Variants in PLCB1 observed in about 807,000 individuals in gnomAD.
The protein encoded by PLCB1 is phospholipase C beta 1.
A neutral mutation model predicts 161.8 loss-of-function variants in PLCB1; 46 were observed. The observed-to-expected ratio is 0.28, with a 90% CI of 0.22 to 0.36. The LOEUF (loss-of-function observed/expected upper bound fraction) is 0.36, where lower values mean the gene tolerates loss of function less well. Ranked by LOEUF, PLCB1 falls within the 10% of genes least tolerant of loss-of-function variation. PLCB1 has a pLI of 1.00. For synonymous variants in PLCB1, 517 were observed against 503.7 expected (o/e 1.03, Z -0.35); for missense variants, 1,016 against 1,472.5 (o/e 0.69, Z 5.07).
At chr20:8,222,380 A>G (rs1192575156) in intron 2 of PLCB1, among the ~76,000 whole-genome samples, 3 of 152,074 alleles carry the variant, frequency 2.0e-5, no homozygotes, top group African/African-American at 7.2e-5. Flanking sequence ...TTCTGGGGTA[A>G]CGTAGTTGTT....
At chr20:8,376,557 G>A (rs1478527869) in intron 3 of PLCB1, among the ~76,000 whole-genome samples, 2 of 152,144 alleles carry the variant, frequency 1.3e-5, no homozygotes, top group Admixed American at 6.5e-5. Flanking sequence ...TGAACAAAAA[G>A]ACAAACAGCT....
chr20:8,419,717 C>T (rs189305754), intron 3 of PLCB1, among the ~76,000 whole-genome samples: 19 of 152,208 alleles, frequency 1.2e-4, no homozygotes, highest in Admixed American at 8.5e-4. Context: ...ATGGGTTTAT[C>T]GGAACATAGC....
intron 1 of PLCB1, among the ~76,000 whole-genome samples, chr20:8,135,053 T>A (rs1355343983): frequency 6.6e-6 from 1 of 152,164 alleles, no homozygotes; most frequent in Non-Finnish European, 1.5e-5. Flanking sequence ...TCAGCTCGTA[T>A]TTGCCCTTCC....
intron 2 of PLCB1, among the ~76,000 whole-genome samples, chr20:8,324,967 G>A (rs935569177): frequency 1.3e-5 from 2 of 152,168 alleles, no homozygotes; most frequent in Non-Finnish European, 2.9e-5. Flanking sequence ...TAAAGTTTTT[G>A]ATAATTAAAG....
intron 3 of PLCB1, among the ~76,000 whole-genome samples, chr20:8,373,033 G>A (rs1986952631): frequency 6.6e-6 from 1 of 152,084 alleles, no homozygotes. Flanking sequence ...TTATGGATGT[G>A]GTTTGATAAA....
intron 2 of PLCB1, among the ~76,000 whole-genome samples, chr20:8,166,788 G>A (rs572576959): frequency 1.9e-4 from 29 of 152,022 alleles, no homozygotes; most frequent in Non-Finnish European, 3.7e-4. Flanking sequence ...CACAATAGCC[G>A]CCTTCTGTTT....
intron 21 of PLCB1, 103 bp downstream of exon 21, chr20:8,739,463 G>T: frequency 1.3e-6 from 1 of 751,956 alleles, no homozygotes; most frequent in Non-Finnish European, 2.3e-6. Context: ...TTTCTGCTTT[G>T]TAATTTTGTT....
chr20:8,582,025 C>A (rs1986849269), intron 3 of PLCB1, among the ~76,000 whole-genome samples: 1 of 152,166 alleles, frequency 6.6e-6, no homozygotes, highest in Admixed American at 6.5e-5. Flanking sequence ...GGAGAATTGA[C>A]ACTATGGAAA....
At chr20:8,872,649 A>G (rs1177447174) in intron 31 of PLCB1, among the ~76,000 whole-genome samples, 1 of 152,142 alleles carries the variant, frequency 6.6e-6, no homozygotes, top group Non-Finnish European at 1.5e-5. Context: ...TGGGTACTCA[A>G]TTCACAGGGG....
At chr20:8,206,072 C>A (rs1332222706) in intron 2 of PLCB1, among the ~76,000 whole-genome samples, 2 of 152,082 alleles carry the variant, frequency 1.3e-5, no homozygotes, top group Non-Finnish European at 2.9e-5. Context: ...TAAACAAGTT[C>A]AAGAATCAAC....
chr20:8,391,803 A>G (rs1480179463), intron 3 of PLCB1, among the ~76,000 whole-genome samples: 16 of 137,954 alleles, frequency 1.2e-4, no homozygotes, highest in East Asian at 6.2e-4. Context: ...ATATATATAT[A>G]TATATATATA....
At chr20:8,681,069 T>A (rs1488192965) in intron 9 of PLCB1, among the ~76,000 whole-genome samples, 1 of 98,122 alleles carries the variant, frequency 1.0e-5, no homozygotes, top group Non-Finnish European at 2.0e-5. Flanking sequence ...TGTATATATG[T>A]GTGTATATGT....
At chr20:8,472,951 C>T (rs1982119275) in intron 3 of PLCB1, among the ~76,000 whole-genome samples, 1 of 152,152 alleles carries the variant, frequency 6.6e-6, no homozygotes, top group African/African-American at 2.4e-5. Flanking sequence ...ACATGGCCGG[C>T]ATTCTTCCAT....
intron 26 of PLCB1, among the ~76,000 whole-genome samples, chr20:8,774,319 T>C (rs1479202581): frequency 6.6e-6 from 1 of 152,232 alleles, no homozygotes; most frequent in Non-Finnish European, 1.5e-5. Flanking sequence ...TTTCTGCCCC[T>C]GCCTCTTTCT....
chr20:8,863,626 G>A (rs901845775), intron 31 of PLCB1, among the ~76,000 whole-genome samples: 8 of 152,204 alleles, frequency 5.3e-5, no homozygotes, highest in African/African-American at 1.7e-4. Context: ...CTTCTGCTCT[G>A]TATAACCTCA....
chr20:8,874,615 G>A (rs2146328846), intron 31 of PLCB1, among the ~76,000 whole-genome samples: 1 of 152,114 alleles, frequency 6.6e-6, no homozygotes, highest in East Asian at 1.9e-4. Flanking sequence ...TGGGTGAAAT[G>A]TCATGATGCC....
chr20:8,546,116 A>T (rs1600143473), intron 3 of PLCB1, among the ~76,000 whole-genome samples: 1 of 152,062 alleles, frequency 6.6e-6, no homozygotes, highest in South Asian at 2.1e-4. Context: ...GGAGTTTGAG[A>T]CCAGCCTGGC....
intron 2 of PLCB1, among the ~76,000 whole-genome samples, chr20:8,322,919 G>C (rs2143535): frequency 0.24 from 37,020 of 152,080 alleles, 4,743 homozygotes; most frequent in South Asian, 0.44. Context: ...AGCTTTGACA[G>C]AACTGACATA....
chr20:8,340,094 C>T (rs1219068661), intron 2 of PLCB1, among the ~76,000 whole-genome samples: 1 of 152,228 alleles, frequency 6.6e-6, no homozygotes. Flanking sequence ...GTACTTCCTA[C>T]ATATGATTGG....
Sources: gnomAD v4.1 joint callset for allele counts (sites outside exome capture counted in the v4.1 genomes callset) on GRCh38, gnomAD v4.1.1 for gene constraint, MANE v1.5 for transcripts, NCBI Gene and HGNC (gene_info 2026-07-23, HGNC 2026-07-21) for gene names.